UNC79: variants seen among roughly 807,000 people sequenced by gnomAD.
UNC79 encodes unc-79 subunit of NALCN channel complex.
In UNC79, 37 loss-of-function variants were observed where a neutral mutation model predicts 283.1. The ratio of observed to expected loss-of-function variants is 0.13; its 90% CI spans 0.10 to 0.17. The LOEUF is 0.17. Ranked by LOEUF, UNC79 falls within the 10% of genes least tolerant of loss-of-function variation. The pLI is 1.00. For missense variants in UNC79, 2,272 were observed against 3,211.1 expected, an observed-to-expected ratio of 0.71 and a Z score of 7.07; for synonymous variants, 1,107 against 1,200.2, an observed-to-expected ratio of 0.92 and a Z score of 1.61.
At chr14:93,458,843 A>T (rs1436483521) in intron 1 of UNC79, among the ~76,000 whole-genome samples, 2 of 152,242 alleles carry the variant, frequency 1.3e-5, no homozygotes, top group East Asian at 3.8e-4. Context: ...GTCTCCAAGG[A>T]TCTTAAAGTG....
intron 1 of UNC79, among the ~76,000 whole-genome samples, chr14:93,433,225 G>T (rs2055944848): frequency 6.6e-6 from 1 of 152,190 alleles, no homozygotes; most frequent in African/African-American, 2.4e-5. Context: ...AGTCTTAAGG[G>T]TTTGGAGGGC....
intron 1 of UNC79, among the ~76,000 whole-genome samples, chr14:93,404,627 A>C (rs2055189831): frequency 6.7e-6 from 1 of 148,370 alleles, no homozygotes; most frequent in East Asian, 1.9e-4. Flanking sequence ...ATTACAGAAA[A>C]ATTTATATTA....
At chr14:93,479,541 A>T (rs1036677900) in intron 4 of UNC79, among the ~76,000 whole-genome samples, 1 of 148,248 alleles carries the variant, frequency 6.7e-6, no homozygotes, top group Non-Finnish European at 1.5e-5. Context: ...CAGGTGATCC[A>T]CCCGCCTCAG....
At chr14:93,509,004 G>T (rs2059684390) in intron 7 of UNC79, among the ~76,000 whole-genome samples, 1 of 152,176 alleles carries the variant, frequency 6.6e-6, no homozygotes, top group East Asian at 1.9e-4. Context: ...GGCTTAATTG[G>T]CTCATGGTTC....
chr14:93,350,682 A>G (rs1416898072), intron 1 of UNC79, among the ~76,000 whole-genome samples: 1 of 152,182 alleles, frequency 6.6e-6, no homozygotes, highest in East Asian at 1.9e-4. Flanking sequence ...ATTTTTAATT[A>G]TATAACCAAT....
At position 93,617,616 on chromosome 14, in the gene UNC79, T is replaced by C. The variant is rs1242873902; in HGVS notation, c.4224+312T>C. 2.0e-5 allele frequency among the ~76,000 whole-genome samples: 3 copies of C among 152,196 alleles called. No homozygotes were observed. Among genetic ancestry groups the C allele is most frequent in the Non-Finnish European group, 2.9e-5 (2 of 68,032 alleles). ...TATTATTATTTCAGAAAACAAAAGA[T>C]ATCTGAAATTGTATTCATCCACTAA... On this transcript the variant is annotated intron_variant, in intron 28 of 48. Transcript: ENST00000555664. The surrounding 1 kb of genome is among the most constrained non-coding windows in gnomAD (Gnocchi z 4.5).
exon 7 of UNC79, chr14:93,497,176 C>G (rs765285194): frequency 6.2e-7 from 1 of 1,612,004 alleles, no homozygotes; most frequent in Non-Finnish European, 8.5e-7. Flanking sequence ...TATGTGATTG[C>G]GTATGGGCCT....
intron 1 of UNC79, among the ~76,000 whole-genome samples, chr14:93,447,454 T>G (rs1342541527): frequency 6.6e-6 from 1 of 152,136 alleles, no homozygotes; most frequent in Non-Finnish European, 1.5e-5. Flanking sequence ...ACATATGTTA[T>G]AAACCCCACA....
At chr14:93,337,675 C>T (rs2053607886) in intron 1 of UNC79, among the ~76,000 whole-genome samples, 1 of 152,206 alleles carries the variant, frequency 6.6e-6, no homozygotes, top group Non-Finnish European at 1.5e-5. Flanking sequence ...TGGGCTGAAA[C>T]ATGCCCCCCT....
chr14:93,463,694 G>C (rs66470824), intron 1 of UNC79, among the ~76,000 whole-genome samples: 1 of 151,936 alleles, frequency 6.6e-6, no homozygotes, highest in Non-Finnish European at 1.5e-5. Flanking sequence ...GTATCCACTC[G>C]CACCATAATC....
intron 4 of UNC79, among the ~76,000 whole-genome samples, chr14:93,485,454 T>A (rs1307601417): frequency 6.6e-6 from 1 of 152,060 alleles, no homozygotes; most frequent in Non-Finnish European, 1.5e-5. Context: ...GATGTGCTTA[T>A]TAATTAAACA....
At chr14:93,467,606 C>G (rs1353153388) in intron 1 of UNC79, 65 bp from the exon 2 acceptor site, 1 of 1,066,390 alleles carries the variant, frequency 9.4e-7, no homozygotes, top group Non-Finnish European at 1.1e-6. Context: ...CAAGATGATT[C>G]TTCTCTTTCT....
At chr14:93,624,163 C>T (rs910945503) in intron 30 of UNC79, among the ~76,000 whole-genome samples, 4 of 152,162 alleles carry the variant, frequency 2.6e-5, no homozygotes, top group Admixed American at 6.5e-5. Flanking sequence ...GGAATGCACT[C>T]GGCTTTTTTA....
At chr14:93,671,499 G>A (rs1053396154) in intron 40 of UNC79, among the ~76,000 whole-genome samples, 10 of 152,222 alleles carry the variant, frequency 6.6e-5, no homozygotes, top group East Asian at 1.9e-4. Flanking sequence ...AGGGCCAGGC[G>A]CGGTGGCTCA....
intron 7 of UNC79, among the ~76,000 whole-genome samples, chr14:93,506,224 A>ATTTTTTTT (rs774515757): frequency 7.1e-6 from 1 of 141,650 alleles, no homozygotes; most frequent in Non-Finnish European, 1.6e-5. Context: ...ATTGTATACA[A>ATTTTTTTT]TTTTTTTTTT....
At chr14:93,416,534 G>A (rs915512107) in intron 1 of UNC79, among the ~76,000 whole-genome samples, 3 of 152,122 alleles carry the variant, frequency 2.0e-5, no homozygotes, top group Non-Finnish European at 4.4e-5. Context: ...ATGTCTATTA[G>A]GTCTGCTTGG....
chr14:93,458,250 A>G (rs1330386445), intron 1 of UNC79, among the ~76,000 whole-genome samples: 2 of 152,248 alleles, frequency 1.3e-5, no homozygotes, highest in Non-Finnish European at 2.9e-5. Flanking sequence ...AATCGACAAT[A>G]TTAATAACTA....
upstream of UNC79, among the ~76,000 whole-genome samples, chr14:93,429,234 C>T (rs766190634): frequency 1.3e-5 from 2 of 152,164 alleles, no homozygotes; most frequent in African/African-American, 2.4e-5. Flanking sequence ...TTACTCAGAA[C>T]GAACTCTTTG....
At chr14:93,453,375 G>A (rs2056704633) in intron 1 of UNC79, among the ~76,000 whole-genome samples, 1 of 152,114 alleles carries the variant, frequency 6.6e-6, no homozygotes, top group South Asian at 2.1e-4. Flanking sequence ...GAAATTATTT[G>A]ATTTTCACCA....
Sources: allele counts gnomAD v4.1 joint callset (sites outside exome capture counted in the v4.1 genomes callset), GRCh38; gene constraint gnomAD v4.1.1; non-coding constraint Gnocchi (gnomAD v3.1); transcripts MANE v1.5; gene names NCBI Gene and HGNC (gene_info 2026-07-23, HGNC 2026-07-21).